The following PPARGC1A variants were observed in gnomAD, a reference collection of about 807,000 sequenced individuals.
The protein encoded by PPARGC1A is peroxisome proliferator-activated receptor gamma coactivator 1-alpha.
Under a neutral mutation model 88.7 loss-of-function variants are expected in PPARGC1A, and 25 were observed. The ratio of observed to expected loss-of-function variants is 0.28; its 90% confidence interval spans 0.21 to 0.39. The LOEUF is 0.39. PPARGC1A is among the 10% of genes least tolerant of loss of function. The pLI is 1.00. For missense variants in PPARGC1A, 880 were observed against 968.7 expected, an observed-to-expected ratio of 0.91 and a Z score of 1.22; for synonymous variants, 363 against 355.6, an observed-to-expected ratio of 1.02 and a Z score of -0.24.
the PPARGC1A span, among the ~76,000 whole-genome samples, chr4:23,956,640 C>T: frequency 1.3e-5 from 2 of 151,890 alleles, no homozygotes; most frequent in African/African-American, 4.8e-5. Flanking sequence ...TTCTTCAGTC[C>T]CTCCCACTTT....
chr4:23,934,409 AGC>A, the PPARGC1A span, among the ~76,000 whole-genome samples: 1 of 152,182 alleles, frequency 6.6e-6, no homozygotes, highest in Non-Finnish European at 1.5e-5. Context: ...GCTAGTAGAC[AGC>A]ATGGCATCCA....
chr4:23,997,289 A>G, the PPARGC1A span, among the ~76,000 whole-genome samples: 1 of 152,148 alleles, frequency 6.6e-6, no homozygotes, highest in East Asian at 1.9e-4. Context: ...CAAAACGTCT[A>G]TCTATGGACA....
chr4:24,443,908 C>T, the PPARGC1A span, among the ~76,000 whole-genome samples: 1 of 151,996 alleles, frequency 6.6e-6, no homozygotes, highest in Non-Finnish European at 1.5e-5. Flanking sequence ...GTTTTAGAAA[C>T]TTTGTTTTCA....
the PPARGC1A span, among the ~76,000 whole-genome samples, chr4:24,272,612 G>C: frequency 0.34 from 50,931 of 151,994 alleles, 10,006 homozygotes; most frequent in Non-Finnish European, 0.45. Flanking sequence ...AATACTCTGG[G>C]CCTTACTACA....
At chr4:24,048,028 G>T in the PPARGC1A span, among the ~76,000 whole-genome samples, 2 of 152,124 alleles carry the variant, frequency 1.3e-5, no homozygotes, top group African/African-American at 4.8e-5. Flanking sequence ...CTTTTGATGT[G>T]CCCAAGTTCC....
At chr4:23,835,507 T>TGTGTG in intron 2 of PPARGC1A, among the ~76,000 whole-genome samples, 1 of 143,474 alleles carries the variant, frequency 7.0e-6, no homozygotes, top group African/African-American at 2.7e-5. Flanking sequence ...TGTGTGTGTG[T>TGTGTG]TGGAGTATGT....
the PPARGC1A span, among the ~76,000 whole-genome samples, chr4:24,342,414 A>G: frequency 6.6e-6 from 1 of 152,216 alleles, no homozygotes; most frequent in Non-Finnish European, 1.5e-5. Flanking sequence ...TTTGCCCAAG[A>G]TCACGTTGCT....
the PPARGC1A span, among the ~76,000 whole-genome samples, chr4:24,114,123 CAA>C: frequency 1.2e-3 from 75 of 60,830 alleles, no homozygotes; most frequent in Middle Eastern, 0.012. Context: ...GACTCCATCA[CAA>C]AAAAAAAAAA....
the PPARGC1A span, among the ~76,000 whole-genome samples, chr4:24,031,773 A>AGT: frequency 6.6e-6 from 1 of 152,206 alleles, no homozygotes; most frequent in Non-Finnish European, 1.5e-5. Context: ...TGTGATTAGC[A>AGT]GTAGATGATA....
At chr4:23,970,425 C>CA in the PPARGC1A span, among the ~76,000 whole-genome samples, 1 of 152,126 alleles carries the variant, frequency 6.6e-6, no homozygotes, top group African/African-American at 2.4e-5. Context: ...TGCAACTTAG[C>CA]AAAAAACAAG....
chr4:24,114,553 T>G, the PPARGC1A span, among the ~76,000 whole-genome samples: 2 of 152,206 alleles, frequency 1.3e-5, no homozygotes, highest in African/African-American at 4.8e-5. Flanking sequence ...GTCTGACAAC[T>G]CAGGGACTCA....
At chr4:24,219,371 C>T in the PPARGC1A span, among the ~76,000 whole-genome samples, 2 of 152,250 alleles carry the variant, frequency 1.3e-5, no homozygotes, top group African/African-American at 4.8e-5. Flanking sequence ...GCTGGGATTG[C>T]TACATTCCCG....
the PPARGC1A span, among the ~76,000 whole-genome samples, chr4:24,001,783 A>G: frequency 1.3e-5 from 2 of 152,150 alleles, no homozygotes; most frequent in Non-Finnish European, 2.9e-5. Flanking sequence ...AGCTAACTCC[A>G]TGTGACAACA....
the PPARGC1A span, among the ~76,000 whole-genome samples, chr4:23,969,651 G>T: frequency 6.6e-6 from 1 of 152,110 alleles, no homozygotes; most frequent in East Asian, 1.9e-4. Flanking sequence ...AAGTTCCCAC[G>T]ATGATCTCAG....
the PPARGC1A span, among the ~76,000 whole-genome samples, chr4:24,465,927 G>A: frequency 2.6e-5 from 4 of 152,200 alleles, no homozygotes; most frequent in Non-Finnish European, 2.9e-5. Flanking sequence ...GCTCATGACA[G>A]TGTATCCCTC....
At chr4:23,968,667 C>G in the PPARGC1A span, among the ~76,000 whole-genome samples, 96 of 152,118 alleles carry the variant, frequency 6.3e-4, no homozygotes, top group Non-Finnish European at 1.3e-3. Context: ...GTAATCCCAG[C>G]AATTTGGGAG....
chr4:24,099,619 A>G, the PPARGC1A span, among the ~76,000 whole-genome samples: 35,655 of 152,086 alleles, frequency 0.23, 4,826 homozygotes, highest in Non-Finnish European at 0.3. Context: ...TTGGGACTTT[A>G]GAAATGACCA....
At chr4:23,950,064 G>T in the PPARGC1A span, among the ~76,000 whole-genome samples, 2 of 152,126 alleles carry the variant, frequency 1.3e-5, no homozygotes, top group Admixed American at 6.6e-5. Context: ...CACTTAGAAA[G>T]GCAGATAGGA....
chr4:24,449,203 T>C, the PPARGC1A span, among the ~76,000 whole-genome samples: 1 of 152,148 alleles, frequency 6.6e-6, no homozygotes, highest in Non-Finnish European at 1.5e-5. Context: ...TCACTCTCCA[T>C]GAACTGCTTA....
Sources: gnomAD v4.1 joint callset for allele counts (sites outside exome capture counted in the v4.1 genomes callset) on GRCh38, gnomAD v4.1.1 for gene constraint, MANE v1.5 for transcripts, NCBI Gene and HGNC (gene_info 2026-07-23, HGNC 2026-07-21) for gene names.